Variants in PHLDB2 observed in about 807,000 individuals in gnomAD.
PHLDB2 encodes the protein pleckstrin homology-like domain family B member 2.
In PHLDB2, 71 loss-of-function variants were observed where a neutral mutation model predicts 123.6. The ratio of observed to expected loss-of-function variants is 0.57; its 90% CI spans 0.47 to 0.70. The LOEUF (loss-of-function observed/expected upper bound fraction) is 0.70, where lower values mean the gene tolerates loss of function less well. Ranked by LOEUF, PHLDB2 falls within the 30% of genes least tolerant of loss-of-function variation. The probability of loss-of-function intolerance (pLI) is 0.00; values close to 1 mark genes in which losing one functional copy is unlikely to be tolerated. For synonymous variants in PHLDB2, 547 were observed against 541.6 expected, an observed-to-expected ratio of 1.01 and a Z score of -0.14; for missense variants, 1,446 against 1,519.5, an observed-to-expected ratio of 0.95 and a Z score of 0.80.
At position 111,932,381 on chromosome 3, in the gene PHLDB2, A is replaced by C; in HGVS notation, c.2114A>C (p.Gln705Pro). 1 of 1,551,064 alleles carries C rather than the reference A, an allele frequency of 6.4e-7. No individual in the cohort carries two copies. The change falls in exon 6 of 18, where the codon CAA (glutamine) becomes CCA (proline). Residue 705 changes from glutamine (Q) to proline (P), a missense_variant. Physicochemically the swap from Gln to Pro is moderately conservative, Grantham distance 76. Transcript: ENST00000431670. ...CCTGAGTCCATGAGGGAACAGTTAC[A>C]ACAACAACTGAAGAGGGTCAGTAGC... ...NCPESMREQL[Q>P]QQLKRDADLL...
chr3:111,862,312 G>T (rs1280776423), intron 1 of PHLDB2, among the ~76,000 whole-genome samples: 1 of 152,096 alleles, frequency 6.6e-6, no homozygotes, highest in East Asian at 1.9e-4. Flanking sequence ...GTAAAGTCTT[G>T]GTGTACCAAT....
intron 1 of PHLDB2, among the ~76,000 whole-genome samples, chr3:111,733,757 A>G (rs1384225206): frequency 6.6e-6 from 1 of 152,220 alleles, no homozygotes; most frequent in Non-Finnish European, 1.5e-5. Context: ...ATTTTTATCT[A>G]ATATGATTCA....
intron 8 of PHLDB2, among the ~76,000 whole-genome samples, chr3:111,943,897 T>A (rs1255251669): frequency 6.6e-6 from 1 of 152,214 alleles, no homozygotes. Flanking sequence ...AATGAAAACA[T>A]GTCTTCATAT....
chr3:111,831,042 G>GAAGGAAGGAAGA (rs1559855461), intron 1 of PHLDB2, among the ~76,000 whole-genome samples: 13 of 105,430 alleles, frequency 1.2e-4, no homozygotes, highest in South Asian at 1.2e-3. Context: ...AGGAAGGAAG[G>GAAGGAAGGAAGA]AAGAAAGAGA....
rs201054254 is a variant in PHLDB2, at chr3:111,780,396, A to AG, written c.-49+47694dup. ...AAGAAGAAGAAGAAGAAGAAGAAGA[A>AG]GAAGAAGAAGAAGAAAAAGATTAGT... is the stretch of plus-strand genomic sequence containing the variant. On this transcript the variant is annotated intron_variant, in intron 1 of 17. Transcript: ENST00000393923. 4.1e-4 allele frequency among the ~76,000 whole-genome samples: 20 copies of AG among 49,262 alleles called. 3 individuals are homozygous for AG. Among genetic ancestry groups the AG allele is most frequent in the East Asian group, 2.7e-3 (1 of 370 alleles). 32.3% of individuals were successfully genotyped at this position (49,262 alleles called of 152,430 possible).
At chr3:111,867,573 A>G (rs2065145558) in intron 1 of PHLDB2, among the ~76,000 whole-genome samples, 1 of 152,214 alleles carries the variant, frequency 6.6e-6, no homozygotes, top group Non-Finnish European at 1.5e-5. Flanking sequence ...TTTCATTCGT[A>G]AATAATTTAC....
Position 111,953,212 on chromosome 3 carries a change from C to A in PHLDB2, c.2772+500C>A, listed in dbSNP as rs544840997. Among the ~76,000 whole-genome samples the A allele has an allele frequency of 3.3e-5, 5 of 152,214 alleles. No homozygotes were observed. The South Asian group carries it at 1.0e-3, about 32-fold the overall frequency. On this transcript the variant is annotated intron_variant, in intron 11 of 17. Coordinates refer to ENST00000431670, the MANE Select transcript of PHLDB2 (RefSeq NM_001134438.2). ...TAAGGCTAAGTGACTAACCAAGGAG[C>A]CCTCAGCTGGTATGTAGTGGAGTGG...
At chr3:111,971,079 A>G (rs1236475720) in intron 16 of PHLDB2, among the ~76,000 whole-genome samples, 5 of 152,172 alleles carry the variant, frequency 3.3e-5, no homozygotes, top group Admixed American at 1.3e-4. Flanking sequence ...TGCCGGTCCT[A>G]GGTCCCCTGC....
Position 111,945,436 on chromosome 3 carries a change from A to G in PHLDB2, c.2487+79A>G. On this transcript the variant is annotated intron_variant, in intron 9 of 17. Coordinates refer to ENST00000431670, the MANE Select transcript of PHLDB2 (RefSeq NM_001134438.2). ...ATTTCAGCTTTATTTGATTAGCTGA[A>G]TAATAAAAATATTAACTCAAAGGAC... 5.5e-6 allele frequency: 6 copies of G among 1,087,800 alleles called. No individual in the cohort carries two copies. In the South Asian group the frequency reaches 8.2e-5, roughly 15 times the overall value. The allele number at this position is 1,087,800 out of a possible 1,614,324, so 67.4% of individuals were successfully genotyped here. A position where few individuals can be genotyped will look rare whatever the true frequency, so the allele number is the denominator to read the frequency against.
chr3:111,826,457 C>T (rs966328263), intron 1 of PHLDB2, among the ~76,000 whole-genome samples: 13 of 152,182 alleles, frequency 8.5e-5, no homozygotes, highest in African/African-American at 2.4e-4. Flanking sequence ...AGACCACCCA[C>T]ATACTCTTTA....
chr3:111,808,831 A>G (rs985931748), intron 1 of PHLDB2, among the ~76,000 whole-genome samples: 1 of 152,138 alleles, frequency 6.6e-6, no homozygotes, highest in African/African-American at 2.4e-5. Flanking sequence ...AGTTACTATG[A>G]TTCACTGGTT....
At chr3:111,732,759 T>C (rs1443752776) in intron 1 of PHLDB2, 5 of 1,393,330 alleles carry the variant, frequency 3.6e-6, no homozygotes, top group Non-Finnish European at 3.9e-6. Flanking sequence ...ATGAGCAGCA[T>C]ATACAGCCTC....
At chr3:111,800,207 A>C (rs1196488286) in intron 1 of PHLDB2, among the ~76,000 whole-genome samples, 1 of 152,068 alleles carries the variant, frequency 6.6e-6, no homozygotes, top group Admixed American at 6.5e-5. Flanking sequence ...GGGTTTTGCC[A>C]TGTTTCCCCG....
intron 1 of PHLDB2, among the ~76,000 whole-genome samples, chr3:111,750,223 A>C (rs2059746457): frequency 6.6e-6 from 1 of 152,262 alleles, no homozygotes; most frequent in African/African-American, 2.4e-5. Flanking sequence ...AAAGAAAATT[A>C]AATTAGAAAT....
intron 8 of PHLDB2, among the ~76,000 whole-genome samples, chr3:111,941,723 C>G (rs536142555): frequency 6.6e-6 from 1 of 152,164 alleles, no homozygotes; most frequent in Non-Finnish European, 1.5e-5. Flanking sequence ...AGGAGAATCA[C>G]TTGAATCTGG....
At chr3:111,941,121 G>A (rs2069852250) in intron 8 of PHLDB2, among the ~76,000 whole-genome samples, 2 of 152,118 alleles carry the variant, frequency 1.3e-5, no homozygotes, top group Non-Finnish European at 2.9e-5. Flanking sequence ...AATTAATTGG[G>A]TAGGTAGAAA....
chr3:111,800,927 A>G (rs529299616), intron 1 of PHLDB2, among the ~76,000 whole-genome samples: 1 of 152,360 alleles, frequency 6.6e-6, no homozygotes, highest in South Asian at 2.1e-4. Flanking sequence ...AAGATGAATC[A>G]GCTGGTACAA....
chr3:111,926,723 A>G (rs2068832912), intron 5 of PHLDB2, among the ~76,000 whole-genome samples: 1 of 152,234 alleles, frequency 6.6e-6, no homozygotes, highest in South Asian at 2.1e-4. Context: ...TTACTCAACA[A>G]TCATTATTTG....
intron 16 of PHLDB2, among the ~76,000 whole-genome samples, chr3:111,970,246 TC>T: frequency 6.6e-6 from 1 of 152,176 alleles, no homozygotes. Context: ...TTTAATCCAT[TC>T]TTTATTTAGG....
Sources: gnomAD v4.1 joint callset for allele counts (sites outside exome capture counted in the v4.1 genomes callset) on GRCh38, gnomAD v4.1.1 for gene constraint, MANE v1.5 for transcripts, NCBI Gene and HGNC (gene_info 2026-07-23, HGNC 2026-07-21) for gene names.